RGS7: variants seen among roughly 807,000 people sequenced by gnomAD.
RGS7 encodes regulator of G-protein signaling 7.
In RGS7, 27 loss-of-function variants were observed where a neutral mutation model predicts 81.1. The ratio of observed to expected loss-of-function variants is 0.33; its 90% CI spans 0.25 to 0.46. The LOEUF is 0.46. RGS7 is among the 20% of genes least tolerant of loss of function. The pLI is 1.00. For synonymous variants in RGS7, 208 were observed against 207.7 expected, an observed-to-expected ratio of 1.00 and a Z score of -0.01; for missense variants, 396 against 607.4, an observed-to-expected ratio of 0.65 and a Z score of 3.66.
At chr1:240,887,390 G>A (rs1006600104) in intron 6 of RGS7, among the ~76,000 whole-genome samples, 3 of 152,006 alleles carry the variant, frequency 2.0e-5, no homozygotes, top group Middle Eastern at 3.4e-3. Context: ...CACCACGCCC[G>A]GCTCATTTTT....
chr1:240,861,942 A>T (rs1299427208), intron 9 of RGS7, among the ~76,000 whole-genome samples: 1 of 152,174 alleles, frequency 6.6e-6, no homozygotes, highest in African/African-American at 2.4e-5. Flanking sequence ...ACAAGCTACT[A>T]ACGCATTATT....
intron 18 of RGS7, among the ~76,000 whole-genome samples, chr1:240,778,767 T>G (rs12754535): frequency 6.6e-6 from 1 of 151,948 alleles, no homozygotes; most frequent in African/African-American, 2.4e-5. Context: ...CTCTTGACCT[T>G]GTGATCCACC....
At chr1:240,801,386 A>G (rs1167286631) in intron 17 of RGS7, 69 bp downstream of exon 17, 10 of 1,014,142 alleles carry the variant, frequency 9.9e-6, no homozygotes, top group Non-Finnish European at 1.4e-5. Context: ...TAACAGGGCT[A>G]GAAATAGGGA....
At chr1:241,303,503 C>T (rs1277564359) in intron 2 of RGS7, among the ~76,000 whole-genome samples, 1 of 152,186 alleles carries the variant, frequency 6.6e-6, no homozygotes, top group Admixed American at 6.5e-5. Flanking sequence ...ACTAATGCAC[C>T]ATCACACCTC....
chr1:241,196,381 T>C (rs1203451667), intron 2 of RGS7, among the ~76,000 whole-genome samples: 1 of 150,580 alleles, frequency 6.6e-6, no homozygotes, highest in Admixed American at 6.6e-5. Flanking sequence ...TACTAAAAAA[T>C]GTGTAAAAAA....
At chr1:240,783,097 G>C (rs1205330851) in intron 18 of RGS7, among the ~76,000 whole-genome samples, 2 of 152,200 alleles carry the variant, frequency 1.3e-5, no homozygotes, top group Non-Finnish European at 2.9e-5. Context: ...AGTGAACAGA[G>C]AGCATCATCC....
chr1:240,964,294 T>C (rs527520265), intron 4 of RGS7, among the ~76,000 whole-genome samples: 7 of 152,218 alleles, frequency 4.6e-5, no homozygotes, highest in African/African-American at 1.4e-4. Context: ...TCCCACTAAA[T>C]AGGAGATCGA....
intron 2 of RGS7, among the ~76,000 whole-genome samples, chr1:241,106,755 CA>C (rs796842118): frequency 2.2e-4 from 27 of 123,420 alleles, no homozygotes; most frequent in Admixed American, 6.4e-4. Flanking sequence ...ACCACCACCA[CA>C]CACACACACA....
intron 2 of RGS7, among the ~76,000 whole-genome samples, chr1:241,333,346 T>C (rs553432990): frequency 4.9e-4 from 74 of 152,366 alleles, no homozygotes; most frequent in East Asian, 2.9e-3. Context: ...TAACTAGATA[T>C]GTCCCATTTG....
intron 9 of RGS7, among the ~76,000 whole-genome samples, chr1:240,852,584 T>C (rs1338266550): frequency 6.6e-6 from 1 of 152,142 alleles, no homozygotes; most frequent in Non-Finnish European, 1.5e-5. Flanking sequence ...TGGTGAATGT[T>C]CTCTAGGCAC....
At chr1:240,870,454 C>T (rs1357058590) in intron 6 of RGS7, among the ~76,000 whole-genome samples, 1 of 152,076 alleles carries the variant, frequency 6.6e-6, no homozygotes, top group Non-Finnish European at 1.5e-5. Context: ...ATCCTTTCGC[C>T]TCAGCCTCCC....
intron 10 of RGS7, among the ~76,000 whole-genome samples, chr1:240,824,454 C>T (rs7544372): frequency 0.78 from 119,217 of 152,196 alleles, 47,712 homozygotes; most frequent in Non-Finnish European, 0.88. Flanking sequence ...GCTACAGAGA[C>T]GGCTCAATTA....
chr1:240,832,927 C>A (rs111300229), intron 9 of RGS7, among the ~76,000 whole-genome samples: 1 of 152,120 alleles, frequency 6.6e-6, no homozygotes, highest in Non-Finnish European at 1.5e-5. Context: ...TGCCCACCCC[C>A]ACAAAAGAGA....
chr1:241,220,974 G>A (rs200217103), intron 2 of RGS7, among the ~76,000 whole-genome samples: 6,606 of 74,238 alleles, frequency 0.089, 466 homozygotes, highest in Non-Finnish European at 0.13. Context: ...AGGAAGGAAG[G>A]AAGGAAGGAA....
chr1:241,068,906 C>T (rs1279767230), intron 3 of RGS7, among the ~76,000 whole-genome samples: 1 of 151,980 alleles, frequency 6.6e-6, no homozygotes, highest in African/African-American at 2.4e-5. Flanking sequence ...ACTGTTGTTG[C>T]AATAGGAAGG....
intron 2 of RGS7, among the ~76,000 whole-genome samples, chr1:241,250,505 A>G (rs1307577016): frequency 6.6e-6 from 1 of 152,094 alleles, no homozygotes; most frequent in African/African-American, 2.4e-5. Flanking sequence ...GCAAAGTAAC[A>G]AAAGCACTTT....
At chr1:241,039,849 T>C (rs918331060) in intron 3 of RGS7, among the ~76,000 whole-genome samples, 1 of 152,176 alleles carries the variant, frequency 6.6e-6, no homozygotes, top group Non-Finnish European at 1.5e-5. Flanking sequence ...GAGAACCGAC[T>C]TGCTGTTCAG....
At chr1:241,266,367 T>C (rs1050706493) in intron 2 of RGS7, among the ~76,000 whole-genome samples, 1 of 152,252 alleles carries the variant, frequency 6.6e-6, no homozygotes, top group Non-Finnish European at 1.5e-5. Context: ...TTCAAAATAA[T>C]TGGGTGCCTC....
chr1:241,044,419 T>C (rs955679114), intron 3 of RGS7, among the ~76,000 whole-genome samples: 1 of 151,988 alleles, frequency 6.6e-6, no homozygotes, highest in African/African-American at 2.4e-5. Flanking sequence ...CCTGAATTCA[T>C]TCGTTTGTTT....
Sources: gnomAD v4.1 joint callset for allele counts (sites outside exome capture counted in the v4.1 genomes callset) on GRCh38, gnomAD v4.1.1 for gene constraint, MANE v1.5 for transcripts, NCBI Gene and HGNC (gene_info 2026-07-23, HGNC 2026-07-21) for gene names.